Variants in DMTF1 observed in about 807,000 individuals in gnomAD.
DMTF1 encodes the protein cyclin-D-binding Myb-like transcription factor 1.
DMTF1 carries 39 observed loss-of-function variants against 91.1 expected under a neutral mutation model. The ratio of observed to expected loss-of-function variants is 0.43; its 90% CI spans 0.33 to 0.56. The LOEUF is 0.56. Ranked by LOEUF, DMTF1 falls within the 20% of genes least tolerant of loss-of-function variation. DMTF1 has a pLI of 0.05. For synonymous variants in DMTF1, 338 were observed against 309.5 expected, an observed-to-expected ratio of 1.09 and a Z score of -0.97; for missense variants, 750 against 914.5, an observed-to-expected ratio of 0.82 and a Z score of 2.32.
At chr7:87,162,481 GAC>G (rs1360435636) in intron 1 of DMTF1, among the ~76,000 whole-genome samples, 1 of 152,180 alleles carries the variant, frequency 6.6e-6, no homozygotes, top group Non-Finnish European at 1.5e-5. Flanking sequence ...TATAATCACA[GAC>G]ACACATACAC....
chr7:87,184,016 T>C (rs2129157220), intron 10 of DMTF1, among the ~76,000 whole-genome samples: 1 of 152,286 alleles, frequency 6.6e-6, no homozygotes, highest in South Asian at 2.1e-4. Context: ...GCAGGGAATC[T>C]TAGGTGACAG....
chr7:87,180,827 A>G (rs1188541285), intron 8 of DMTF1, among the ~76,000 whole-genome samples: 1 of 152,006 alleles, frequency 6.6e-6, no homozygotes, highest in Non-Finnish European at 1.5e-5. Context: ...TGTTTAAAAA[A>G]AAATAAAAAT....
In DMTF1 at chr7:87,188,227, G is replaced by T. The variant is rs139739855; in HGVS notation, c.1337G>T (p.Arg446Leu). The T allele has an allele frequency of 1.9e-6, 3 of 1,613,934 alleles. No individual in the cohort carries two copies. The highest frequency in any genetic ancestry group is 1.7e-6 in the Non-Finnish European group (2 of 1,179,904). Residue 446 changes from arginine (R) to leucine (L), a missense_variant, in exon 13 of 18, where the codon CGC becomes CTC. Transcript: ENST00000331242. The stretch of plus-strand genomic sequence containing the variant: ...CAGCATGTTCAGATAAGAGTTGCCC[G>T]CTTGGAAGATAATACAGCCATCTCT... ...SVQHVQIRVA[R>L]LEDNTAISSS...
chr7:87,188,035 T>C, intron 12 of DMTF1, 57 bp from the exon 13 acceptor site: 1 of 1,435,486 alleles, frequency 7.0e-7, no homozygotes, highest in South Asian at 1.1e-5. Flanking sequence ...CCCTTGCTGC[T>C]TAGATGGTGG....
rs368726048 is a variant in DMTF1 at position 87,179,548 on chromosome 7, C to T, written c.523C>T (p.Arg175Cys). The change falls in exon 8 of 18, where the codon CGC (arginine) becomes TGC (cysteine). Residue 175 changes from arginine (R) to cysteine (C), a missense_variant. This residue lies in a region of DMTF1 where 190 missense variants were observed against 343.8 expected (regional missense o/e 0.55). Transcript: ENST00000331242. ...MNNIERYLKA[R>C]GIKDATEIIF... Reference sequence around the variant, plus strand: ...CAAAGAAATGTAACCCATTTAGGCACGCGGAATAAAAGATGCTACAGAAAT... The same window carrying T: ...CAAAGAAATGTAACCCATTTAGGCATGCGGAATAAAAGATGCTACAGAAAT... 4.6e-6 allele frequency: 7 copies of T among 1,516,802 alleles called. No homozygotes were observed. The highest frequency in any genetic ancestry group is 5.3e-6 in the Non-Finnish European group (6 of 1,141,892). The allele number at this position is 1,516,802 out of a possible 1,614,324, so 94.0% of individuals were successfully genotyped here.
chr7:87,178,393 C>G (rs1796683495), intron 7 of DMTF1, among the ~76,000 whole-genome samples: 1 of 151,516 alleles, frequency 6.6e-6, no homozygotes, highest in Admixed American at 6.6e-5. Flanking sequence ...CTTTTCTATT[C>G]TTTATAATTT....
intron 14 of DMTF1, among the ~76,000 whole-genome samples, chr7:87,191,453 G>A (rs1163535559): frequency 6.6e-6 from 1 of 152,104 alleles, no homozygotes; most frequent in Non-Finnish European, 1.5e-5. Flanking sequence ...TCCTGAAGAG[G>A]TTAAGCACAG....
In DMTF1 at chr7:87,193,223, C is replaced by G. The variant is rs985662747; in HGVS notation, c.1520C>G (p.Thr507Ser). 6.2e-6 allele frequency: 10 copies of G among 1,613,266 alleles called. No individual in the cohort carries two copies. In the Middle Eastern group the frequency reaches 4.9e-4, roughly 80 times the overall value. ...LPSFHLQPTG[T>S]PGTYLLQTSS... ...TCTTTCCATCTACAGCCCACTGGCACTCCAGGCACCTACCTACTTCAAACA... is the reference window on the plus strand; with the variant it reads ...TCTTTCCATCTACAGCCCACTGGCAGTCCAGGCACCTACCTACTTCAAACA... Residue 507 changes from threonine to serine, a missense_variant, in exon 15 of 18, where the codon ACT (threonine) becomes AGT (serine). Thr to Ser is a moderately conservative substitution (Grantham distance 58). Transcript: ENST00000331242.
intron 13 of DMTF1, among the ~76,000 whole-genome samples, chr7:87,189,488 T>C (rs949430916): frequency 1.3e-5 from 2 of 152,260 alleles, no homozygotes; most frequent in African/African-American, 4.8e-5. Flanking sequence ...TTTTCTTGGC[T>C]ATTGAGTTGA....
Position 87,155,176 on chromosome 7 carries a change from G to C in DMTF1, c.-132+2621G>C, listed in dbSNP as rs570308795. On this transcript the variant is annotated intron_variant, in intron 1 of 17. Transcript: ENST00000331242. The stretch of plus-strand genomic sequence containing the variant: ...ATTGAGGGAGCTTAGAAGTGTTTTT[G>C]AAAGTATTGACGTCTTGCATCACTT... 8.5e-5 allele frequency among the ~76,000 whole-genome samples: 13 copies of C among 152,312 alleles called. No individual in the cohort carries two copies. The South Asian group carries it at 2.7e-3, about 32-fold the overall frequency.
chr7:87,185,979 T>C lies in DMTF1; in HGVS notation c.1200T>C (p.Pro400=), dbSNP rs550632129. Residue 400 remains proline (P), a splice_region_variant and synonymous_variant, in exon 12 of 18, where the codon CCT becomes CCC. Coordinates refer to ENST00000331242, the MANE Select transcript of DMTF1 (RefSeq NM_001142327.2). ...CAAACCATAAGGATGTTTCGTTCCC[T>C]GGTAATGTATTACTTACTTTTTAAG... The part of the protein sequence containing the change: ...QIANHKDVSF[P]VLIKGLKQLH... 1.1e-5 allele frequency: 17 copies of C among 1,613,728 alleles called. No individual in the cohort carries two copies. The highest frequency in any genetic ancestry group is 1.7e-5 in the Admixed American group (1 of 60,002).
chr7:87,153,618 C>CT (rs1789911513), intron 1 of DMTF1, among the ~76,000 whole-genome samples: 1 of 152,176 alleles, frequency 6.6e-6, no homozygotes, highest in South Asian at 2.1e-4. Flanking sequence ...ACTCATTCAT[C>CT]TTTGTGTACC....
At chr7:87,183,249 A>G (rs933190600) in intron 10 of DMTF1, among the ~76,000 whole-genome samples, 1 of 152,238 alleles carries the variant, frequency 6.6e-6, no homozygotes, top group African/African-American at 2.4e-5. Context: ...CAACTTTGTC[A>G]TTCTGTGACA....
rs116738451 is a variant in DMTF1 at position 87,191,594 on chromosome 7, A to G, written c.1494+567A>G. Among the ~76,000 whole-genome samples the G allele has an allele frequency of 6.9e-3, 1,055 of 152,274 alleles. 14 individuals are homozygous for G. Among genetic ancestry groups the G allele is most frequent in the African/African-American group, 0.024 (1,006 of 41,580 alleles). On this transcript the variant is annotated intron_variant, in intron 14 of 17. Coordinates refer to ENST00000331242, the MANE Select transcript of DMTF1 (RefSeq NM_001142327.2). ...GGATAAAATGTGCTATTGCCATGCA[A>G]ATATTACTCAGCAATGAAATACTGA...
chr7:87,194,272 C>T, intron 16 of DMTF1, 170 bp downstream of exon 16: 1 of 679,362 alleles, frequency 1.5e-6, no homozygotes, highest in Non-Finnish European at 2.3e-6. Flanking sequence ...CTGTGGCAGT[C>T]AGGAAGAATA....
At chr7:87,167,803 A>G (rs1400691198) in intron 4 of DMTF1, among the ~76,000 whole-genome samples, 2 of 152,178 alleles carry the variant, frequency 1.3e-5, no homozygotes, top group Admixed American at 6.5e-5. Flanking sequence ...GACTATCATT[A>G]TGTTGTGATT....
chr7:87,160,269 G>A (rs1004293056), intron 1 of DMTF1, among the ~76,000 whole-genome samples: 2 of 148,186 alleles, frequency 1.3e-5, no homozygotes, highest in African/African-American at 2.5e-5. Flanking sequence ...TCAGTAGTTT[G>A]TCATTTCTTT....
intron 5 of DMTF1, among the ~76,000 whole-genome samples, chr7:87,172,986 G>A (rs1210725118): frequency 6.6e-6 from 1 of 152,184 alleles, no homozygotes; most frequent in East Asian, 1.9e-4. Context: ...AAAACAATAA[G>A]CGGACAGTGA....
intron 1 of DMTF1, among the ~76,000 whole-genome samples, chr7:87,160,534 C>A (rs1028668193): frequency 6.6e-6 from 1 of 152,084 alleles, no homozygotes; most frequent in Non-Finnish European, 1.5e-5. Context: ...CTCGGCCTCC[C>A]AAAGTGCTGG....
Sources: gnomAD v4.1 joint callset for allele counts (sites outside exome capture counted in the v4.1 genomes callset) on GRCh38, gnomAD v4.1.1 for gene constraint, gnomAD v4.1.1 regional missense constraint, MANE v1.5 for transcripts, NCBI Gene and HGNC (gene_info 2026-07-23, HGNC 2026-07-21) for gene names.